ITGA8: variants seen among roughly 807,000 people sequenced by gnomAD.
ITGA8 encodes the protein integrin subunit alpha 8, also known as integrin alpha-8.
A neutral mutation model predicts 142.3 loss-of-function variants in ITGA8; 91 were observed. That is an observed-to-expected ratio of 0.64 (90% CI 0.54 to 0.76). The LOEUF (loss-of-function observed/expected upper bound fraction) is 0.76. Among genes scored for constraint, ITGA8 ranks in the 30% least tolerant of loss-of-function variants. The pLI is 0.00. For missense variants in ITGA8, 1,406 were observed against 1,327.7 expected, an observed-to-expected ratio of 1.06 and a Z score of -0.92; for synonymous variants, 505 against 485.2, an observed-to-expected ratio of 1.04 and a Z score of -0.54.
chr10:15,603,003 A>G (rs898514140), intron 20 of ITGA8, among the ~76,000 whole-genome samples: 2 of 151,732 alleles, frequency 1.3e-5, no homozygotes, highest in Admixed American at 6.6e-5. Context: ...ACAGCAGTAC[A>G]TATTTAATGG....
At chr10:15,669,085 G>A (rs1325372620) in intron 8 of ITGA8, among the ~76,000 whole-genome samples, 1 of 152,180 alleles carries the variant, frequency 6.6e-6, no homozygotes, top group East Asian at 1.9e-4. Flanking sequence ...GATTGGGGAA[G>A]TTCTCCTGGG....
intron 10 of ITGA8, among the ~76,000 whole-genome samples, chr10:15,657,048 G>T (rs931203315): frequency 1.3e-5 from 2 of 152,168 alleles, no homozygotes; most frequent in Non-Finnish European, 2.9e-5. Flanking sequence ...TCCAAACATA[G>T]ATAGTGAAAT....
intron 13 of ITGA8, among the ~76,000 whole-genome samples, chr10:15,635,075 C>T (rs531383885): frequency 7.2e-6 from 1 of 139,048 alleles, no homozygotes; most frequent in African/African-American, 2.7e-5. Context: ...GGTGCAATCT[C>T]GGTTCACTGT....
intron 2 of ITGA8, among the ~76,000 whole-genome samples, chr10:15,709,545 T>A (rs999924888): frequency 6.6e-6 from 1 of 152,264 alleles, no homozygotes; most frequent in Admixed American, 6.5e-5. Context: ...TTCATGAGTT[T>A]ATCTGGATGT....
chr10:15,718,977 G>A (rs1443271112), intron 1 of ITGA8, 78 bp from the exon 2 acceptor site: 1 of 1,598,844 alleles, frequency 6.3e-7, no homozygotes, highest in Non-Finnish European at 8.5e-7. Context: ...GTAACCTCCT[G>A]CCCGGGGACA....
chr10:15,642,950 A>G (rs1344099163), intron 13 of ITGA8, among the ~76,000 whole-genome samples: 1 of 152,182 alleles, frequency 6.6e-6, no homozygotes, highest in East Asian at 1.9e-4. Flanking sequence ...AGGTTTTTAT[A>G]AGTAGTTGAA....
chr10:15,519,477 T>C (rs1833017924), intron 28 of ITGA8, 65 bp from the exon 29 acceptor site: 2 of 1,542,412 alleles, frequency 1.3e-6, no homozygotes, highest in Admixed American at 3.4e-5. Flanking sequence ...AAAATAGTAA[T>C]TACCAGTACA....
intron 2 of ITGA8, among the ~76,000 whole-genome samples, chr10:15,708,967 G>A (rs374405490): frequency 6.6e-6 from 1 of 152,122 alleles, no homozygotes; most frequent in Non-Finnish European, 1.5e-5. Context: ...AACCTTAGAT[G>A]CTTTAAGCCA....
At chr10:15,654,125 C>T (rs1001382619) in intron 11 of ITGA8, among the ~76,000 whole-genome samples, 3 of 152,138 alleles carry the variant, frequency 2.0e-5, no homozygotes, top group East Asian at 1.9e-4. Context: ...CGTGAGCTAC[C>T]GCACCCGGCC....
At chr10:15,719,453 C>T (rs1024607293) in intron 1 of ITGA8, 110 bp downstream of exon 1, 11 of 961,558 alleles carry the variant, frequency 1.1e-5, no homozygotes, top group East Asian at 6.4e-5. Flanking sequence ...CCCGGGCAGG[C>T]GGCAGGACGG....
intron 21 of ITGA8, chr10:15,596,688 T>C (rs1385843600): frequency 6.5e-6 from 1 of 153,550 alleles, no homozygotes; most frequent in East Asian, 1.9e-4. Context: ...AGCAAAAGTA[T>C]GAAACATCAG....
intron 13 of ITGA8, among the ~76,000 whole-genome samples, chr10:15,642,597 CAACT>C (rs1833891087): frequency 1.3e-5 from 2 of 152,122 alleles, no homozygotes; most frequent in Admixed American, 6.5e-5. Context: ...CCAGTAATAA[CAACT>C]AACCACCATT....
chr10:15,605,664 TTACATAAA>T, intron 19 of ITGA8, 52 bp downstream of exon 19: 1 of 1,373,380 alleles, frequency 7.3e-7, no homozygotes, highest in South Asian at 1.2e-5. Context: ...CAGAGAACCT[TTACATAAA>T]TACCTGTAAT....
At chr10:15,694,341 A>ATATATAT (rs1835001364) in intron 2 of ITGA8, among the ~76,000 whole-genome samples, 1 of 10,100 alleles carries the variant, frequency 9.9e-5, no homozygotes, top group African/African-American at 1.4e-4. Context: ...ATCATATATC[A>ATATATAT]GATAATATAT....
chr10:15,708,731 C>T (rs140398582), intron 2 of ITGA8, among the ~76,000 whole-genome samples: 2 of 152,136 alleles, frequency 1.3e-5, no homozygotes, highest in Non-Finnish European at 2.9e-5. Flanking sequence ...GCACAGCAAA[C>T]CTCCTAGGCA....
chr10:15,718,785 C>T lies in ITGA8; in HGVS notation c.324G>A (p.Gln108=). The change falls in exon 2 of 30, where the codon CAG becomes CAA. Residue 108 remains glutamine (Q), a synonymous_variant. Coordinates refer to ENST00000378076, the MANE Select transcript of ITGA8 (RefSeq NM_003638.3). Reference sequence around the variant, plus strand: ...ACTTACTGGTGGTGTCAAACGGTATCTGCCTGCACTGCGCAGACCCCTCCG... The same window carrying T: ...ACTTACTGGTGGTGTCAAACGGTATTTGCCTGCACTGCGCAGACCCCTCCG... ...WPAEGSAQCR[Q]IPFDTTNNRK... The T allele has an allele frequency of 2.5e-6, 4 of 1,614,182 alleles. No individual in the cohort carries two copies. Among genetic ancestry groups the T allele is most frequent in the South Asian group, 1.1e-5 (1 of 91,074 alleles).
intron 2 of ITGA8, among the ~76,000 whole-genome samples, chr10:15,700,740 A>T (rs138012160): frequency 2.6e-4 from 39 of 152,242 alleles, no homozygotes; most frequent in Admixed American, 9.2e-4. Flanking sequence ...AAACAATCCC[A>T]TCAAAAAGTG....
intron 26 of ITGA8, among the ~76,000 whole-genome samples, chr10:15,556,724 T>A (rs1170653371): frequency 1.3e-5 from 2 of 152,238 alleles, no homozygotes; most frequent in Non-Finnish European, 2.9e-5. Context: ...AATTATGCTC[T>A]TTTAGTTATT....
intron 2 of ITGA8, among the ~76,000 whole-genome samples, chr10:15,700,337 C>A (rs1835139201): frequency 6.6e-6 from 1 of 152,138 alleles, no homozygotes; most frequent in East Asian, 1.9e-4. Context: ...CATCTCCTGC[C>A]TCCCCATGCT....
Sources: allele counts gnomAD v4.1 joint callset (sites outside exome capture counted in the v4.1 genomes callset), GRCh38; gene constraint gnomAD v4.1.1; transcripts MANE v1.5; gene names NCBI Gene and HGNC (gene_info 2026-07-23, HGNC 2026-07-21).